XNDC1N: variants seen among roughly 807,000 people sequenced by gnomAD.
XNDC1N encodes the protein protein XNDC1N.
chr11:71,911,636 G>C, the XNDC1N span, among the ~76,000 whole-genome samples: 5 of 152,138 alleles, frequency 3.3e-5, no homozygotes, highest in African/African-American at 1.2e-4. Context: ...ACTGATTCTC[G>C]GTATGTCTTT....
the XNDC1N span, among the ~76,000 whole-genome samples, chr11:71,875,936 G>C: frequency 6.6e-6 from 1 of 152,190 alleles, no homozygotes; most frequent in South Asian, 2.1e-4. Flanking sequence ...TGAGGCAGGA[G>C]ATTCACTTGA....
the XNDC1N span, among the ~76,000 whole-genome samples, chr11:71,877,875 T>A: frequency 1.5e-4 from 23 of 152,222 alleles, no homozygotes; most frequent in Admixed American, 1.4e-3. Flanking sequence ...TCCTCTCATA[T>A]TACATATAAC....
chr11:71,873,304 A>G, the XNDC1N span, among the ~76,000 whole-genome samples: 1 of 152,126 alleles, frequency 6.6e-6, no homozygotes, highest in African/African-American at 2.4e-5. Context: ...GATTTCATTT[A>G]TAGTGCTCTC....
At chr11:71,925,960 A>G in the XNDC1N span, 1 of 151,926 alleles carries the variant, frequency 6.6e-6, no homozygotes, top group South Asian at 2.1e-4. Context: ...TGATGCGAAA[A>G]GCCCATCTCT....
At chr11:71,884,485 C>T in the XNDC1N span, 2 of 1,610,400 alleles carry the variant, frequency 1.2e-6, no homozygotes, top group Non-Finnish European at 1.7e-6. Context: ...GATGAACATG[C>T]AATTAGATAC....
the XNDC1N span, among the ~76,000 whole-genome samples, chr11:71,891,622 T>C: frequency 6.6e-6 from 1 of 152,128 alleles, no homozygotes; most frequent in Middle Eastern, 3.2e-3. Context: ...TATCATTCTT[T>C]TCCTTTCTGG....
the XNDC1N span, among the ~76,000 whole-genome samples, chr11:71,913,125 A>G: frequency 6.6e-6 from 1 of 152,102 alleles, no homozygotes; most frequent in Non-Finnish European, 1.5e-5. Context: ...ATTGAGAGTC[A>G]TATCATCCTC....
chr11:71,893,572 C>A, the XNDC1N span: 1 of 963,292 alleles, frequency 1.0e-6, no homozygotes, highest in Non-Finnish European at 1.7e-6. Flanking sequence ...CCTGTCCATG[C>A]ATCTGGTCAT....
chr11:71,903,286 G>C, the XNDC1N span: 3 of 1,355,484 alleles, frequency 2.2e-6, no homozygotes, highest in African/African-American at 2.9e-5. Flanking sequence ...GGCTGTTCCT[G>C]TCCATGTGCC....
chr11:71,915,653 C>T, the XNDC1N span, among the ~76,000 whole-genome samples: 1 of 152,050 alleles, frequency 6.6e-6, no homozygotes, highest in Non-Finnish European at 1.5e-5. Flanking sequence ...GTAGAGCACA[C>T]ATGTAAAGAT....
the XNDC1N span, among the ~76,000 whole-genome samples, chr11:71,866,703 G>A: frequency 1.3e-5 from 2 of 151,924 alleles, no homozygotes; most frequent in Non-Finnish European, 2.9e-5. Context: ...GGGAGAGGTT[G>A]CAGTGAGCCG....
the XNDC1N span, among the ~76,000 whole-genome samples, chr11:71,898,499 C>T: frequency 6.6e-6 from 1 of 152,020 alleles, no homozygotes; most frequent in Non-Finnish European, 1.5e-5. Context: ...CCCAGCTACT[C>T]GGGAGGCTGA....
At chr11:71,889,296 T>C in the XNDC1N span, among the ~76,000 whole-genome samples, 4,273 of 152,308 alleles carry the variant, frequency 0.028, 72 homozygotes, top group East Asian at 0.08. Flanking sequence ...AGAAGCAGTA[T>C]GGAAACCCCA....
At chr11:71,920,010 T>C in the XNDC1N span, among the ~76,000 whole-genome samples, 8 of 124,308 alleles carry the variant, frequency 6.4e-5, no homozygotes, top group Admixed American at 7.7e-4. Context: ...CAGGCTGGAG[T>C]GCAGTGGTGC....
the XNDC1N span, chr11:71,884,242 G>C: frequency 1.3e-6 from 1 of 748,184 alleles, no homozygotes; most frequent in South Asian, 2.8e-5. Flanking sequence ...ATCATCGTTT[G>C]TCTTTATTCA....
chr11:71,916,550 T>A, the XNDC1N span: 1 of 288,110 alleles, frequency 3.5e-6, no homozygotes, highest in South Asian at 6.7e-5. Context: ...CAATATCTCA[T>A]TTTAAGAAGA....
At chr11:71,888,769 A>T in the XNDC1N span, among the ~76,000 whole-genome samples, 1 of 152,230 alleles carries the variant, frequency 6.6e-6, no homozygotes. Flanking sequence ...ATACTAAAGG[A>T]CATCATTGGC....
chr11:71,899,613 C>T, the XNDC1N span, among the ~76,000 whole-genome samples: 1 of 152,182 alleles, frequency 6.6e-6, no homozygotes, highest in Non-Finnish European at 1.5e-5. Flanking sequence ...TGTTTCCAAG[C>T]AGTATACTTG....
At chr11:71,893,700 G>A in the XNDC1N span, 13 of 1,325,038 alleles carry the variant, frequency 9.8e-6, no homozygotes, top group East Asian at 6.2e-5. Flanking sequence ...CCTCGGCCAC[G>A]GTTCCCAATA....
Sources: gnomAD v4.1 joint callset for allele counts (sites outside exome capture counted in the v4.1 genomes callset) on GRCh38, gnomAD v4.1.1 for gene constraint, MANE v1.5 for transcripts, NCBI Gene and HGNC (gene_info 2026-07-23, HGNC 2026-07-21) for gene names.